The following INTS7 variants were observed in gnomAD, a reference collection of about 807,000 sequenced individuals.
INTS7 encodes the protein chromosome 1 open reading frame 73.
INTS7 carries 46 observed loss-of-function variants against 109.2 expected under a neutral mutation model. That is an observed-to-expected ratio of 0.42 (90% CI 0.33 to 0.54). INTS7 has a LOEUF of 0.54. Among genes scored for constraint, INTS7 ranks in the 20% least tolerant of loss-of-function variants. INTS7 has a pLI of 0.07. For missense variants in INTS7, 929 were observed against 1,132.4 expected (o/e 0.82, Z 2.58); for synonymous variants, 412 against 402.9 (o/e 1.02, Z -0.27).
intron 7 of INTS7, among the ~76,000 whole-genome samples, chr1:211,994,714 T>C (rs1665301292): frequency 6.6e-6 from 1 of 151,006 alleles, no homozygotes; most frequent in Non-Finnish European, 1.5e-5. Context: ...ATTACAGGCA[T>C]GAGCTACTGT....
chr1:212,006,839 A>T (rs1665934544), intron 6 of INTS7, 78 bp from the exon 7 acceptor site: 3 of 1,225,918 alleles, frequency 2.4e-6, no homozygotes, highest in Non-Finnish European at 2.3e-6. Context: ...GTTTAGTGAA[A>T]CTTATAAAGG....
Position 211,946,756 on chromosome 1 carries a change from TCAA to T in INTS7, c.2317-54_2317-52del. 1 of 1,292,456 alleles carries T rather than the reference TCAA, an allele frequency of 7.7e-7. No homozygotes were observed. Among genetic ancestry groups the T allele is most frequent in the Non-Finnish European group, 1.1e-6 (1 of 901,448 alleles). 80.1% of individuals were successfully genotyped at this position (1,292,456 alleles called of 1,614,324 possible). ...AATAAAAATAAATTTTCAAATTTCA[TCAA>T]CAAGTGGTACATTCAGTATAAAACT... On this transcript the variant is annotated intron_variant, in intron 17 of 19. Transcript: ENST00000366994. The surrounding 1 kb of genome is among the most constrained non-coding windows in gnomAD (Gnocchi z 4.3).
At chr1:211,978,621 G>A (rs1314008173) in intron 10 of INTS7, 110 bp from the exon 11 acceptor site, 3 of 1,163,478 alleles carry the variant, frequency 2.6e-6, no homozygotes, top group African/African-American at 1.5e-5. Context: ...GAGGTTTCTT[G>A]TAGGCATAAC....
intron 5 of INTS7, among the ~76,000 whole-genome samples, chr1:212,010,448 T>G (rs570972682): frequency 6.6e-6 from 1 of 152,254 alleles, no homozygotes; most frequent in African/African-American, 2.4e-5. Flanking sequence ...TGATTCTAAA[T>G]GCAACTGGAA....
At chr1:212,013,962 T>C (rs1666282648) in intron 4 of INTS7, among the ~76,000 whole-genome samples, 1 of 152,232 alleles carries the variant, frequency 6.6e-6, no homozygotes, top group Non-Finnish European at 1.5e-5. Flanking sequence ...CTGAAATTTT[T>C]AAAAGTCCTC....
rs1226121881 is a variant in INTS7 at position 211,959,990 on chromosome 1, G to A, written c.2183+6440C>T. Among the ~76,000 whole-genome samples the A allele has an allele frequency of 6.6e-6, 1 of 152,186 alleles. No individual in the cohort carries two copies. The highest frequency in any genetic ancestry group is 1.9e-4 in the East Asian group (1 of 5,190). On this transcript the variant is annotated intron_variant, in intron 16 of 19. Coordinates refer to ENST00000366994, the MANE Select transcript of INTS7 (RefSeq NM_015434.4). The surrounding 1 kb of genome is among the most constrained non-coding windows in gnomAD (Gnocchi z 4.2). ...CGTTATGCTGCTGTTGCTGCTGCTG[G>A]TATGTGCAACTGAGGATGGATCCTG...
chr1:211,951,257 C>T lies in INTS7; in HGVS notation c.2316+1312G>A, dbSNP rs374564966. Among the ~76,000 whole-genome samples, 56 of 152,242 alleles carry T rather than the reference C, an allele frequency of 3.7e-4. 2 individuals carry two copies. The South Asian group carries it at 0.011, about 30-fold the overall frequency. ...GAAGCTGCAACCCCCAAGGTAATGG[C>T]ATTTGGAGGTGGGCCCCCATGATGG... On this transcript the variant is annotated intron_variant, in intron 17 of 19. Coordinates refer to ENST00000366994, the MANE Select transcript of INTS7 (RefSeq NM_015434.4).
chr1:211,958,844 C>A (rs569144358), intron 16 of INTS7, among the ~76,000 whole-genome samples: 1 of 152,228 alleles, frequency 6.6e-6, no homozygotes, highest in African/African-American at 2.4e-5. Context: ...AGATGGCTGA[C>A]TAGACACAGC....
chr1:212,015,185 G>GCCGCCACC (rs1477684978), intron 4 of INTS7, among the ~76,000 whole-genome samples: 1 of 152,172 alleles, frequency 6.6e-6, no homozygotes, highest in Non-Finnish European at 1.5e-5. Flanking sequence ...CCTCTGCCCA[G>GCCGCCACC]CCGCCACCCC....
At chr1:212,027,103 G>A (rs1432916610) in intron 1 of INTS7, among the ~76,000 whole-genome samples, 1 of 152,210 alleles carries the variant, frequency 6.6e-6, no homozygotes, top group Non-Finnish European at 1.5e-5. Flanking sequence ...TGTATTTTCT[G>A]ATGTAAGAGC....
rs550277186 is a variant in INTS7 at position 212,034,279 on chromosome 1, A to G, written c.94+1065T>C. On this transcript the variant is annotated intron_variant, in intron 1 of 19. Coordinates refer to ENST00000366994, the MANE Select transcript of INTS7 (RefSeq NM_015434.4). ...ATTTTTGTGTTTATCAAAATAAGGTAAAAGCTTTTTTAAGAGCCTGAGAAA... is the reference window on the plus strand; with the variant it reads ...ATTTTTGTGTTTATCAAAATAAGGTGAAAGCTTTTTTAAGAGCCTGAGAAA... 3.4e-3 allele frequency among the ~76,000 whole-genome samples: 520 copies of G among 152,268 alleles called. 2 individuals carry two copies. The highest frequency in any genetic ancestry group is 0.012 in the African/African-American group (507 of 41,560).
chr1:212,004,500 A>C (rs1665816732), intron 7 of INTS7, among the ~76,000 whole-genome samples: 1 of 152,226 alleles, frequency 6.6e-6, no homozygotes, highest in African/African-American at 2.4e-5. Flanking sequence ...GACGAAATAG[A>C]CTAGGGCAAG....
intron 7 of INTS7, among the ~76,000 whole-genome samples, chr1:211,990,921 A>G (rs1434017379): frequency 6.6e-6 from 1 of 152,224 alleles, no homozygotes; most frequent in Admixed American, 6.5e-5. Context: ...TAATTCTGGC[A>G]AATGGTAAAC....
chr1:211,963,065 A>C (rs762683130), intron 16 of INTS7, among the ~76,000 whole-genome samples: 3 of 152,206 alleles, frequency 2.0e-5, no homozygotes, highest in Non-Finnish European at 4.4e-5. Flanking sequence ...CAAAAGATCA[A>C]CAAATCCAGG....
chr1:211,980,854 T>C (rs181652618), intron 10 of INTS7, among the ~76,000 whole-genome samples: 44 of 152,324 alleles, frequency 2.9e-4, no homozygotes, highest in African/African-American at 8.2e-4. Context: ...CTTATACCAC[T>C]GGGAAATTAA....
At chr1:212,013,279 C>A (rs974691788) in intron 4 of INTS7, among the ~76,000 whole-genome samples, 1 of 152,070 alleles carries the variant, frequency 6.6e-6, no homozygotes, top group Non-Finnish European at 1.5e-5. Flanking sequence ...CCTCAGCCTC[C>A]CAAATAGCTG....
Position 211,942,186 on chromosome 1 carries a change from C to G in INTS7, c.2602-75G>C. On this transcript the variant is annotated intron_variant, in intron 19 of 19. Transcript: ENST00000366994. This position sits in a 1 kb window ranked among gnomAD's most constrained non-coding sequence, Gnocchi z 4.2. ...TGCTTACTATGAGTTAGGCCCTGTT[C>G]TAAGAGCTTATTTAGACCATGCAGA... is the stretch of plus-strand genomic sequence containing the variant. 6.7e-7 allele frequency: 1 copy of G among 1,483,634 alleles called. No individual in the cohort carries two copies. The highest frequency in any genetic ancestry group is 9.2e-7 in the Non-Finnish European group (1 of 1,084,880). The allele number at this position is 1,483,634 out of a possible 1,614,324, so 91.9% of individuals were successfully genotyped here. A position where few individuals can be genotyped will look rare whatever the true frequency, so the allele number is the denominator to read the frequency against.
intron 5 of INTS7, 56 bp downstream of exon 5, chr1:212,011,319 G>A: frequency 4.5e-6 from 4 of 893,706 alleles, no homozygotes; most frequent in Non-Finnish European, 5.3e-6. Flanking sequence ...ATTAGTGTTA[G>A]CAACTATTAT....
chr1:211,975,120 C>T (rs773750255), intron 13 of INTS7, 46 bp downstream of exon 13: 2 of 1,340,132 alleles, frequency 1.5e-6, no homozygotes, highest in East Asian at 2.3e-5. Context: ...AGGGAGAGAA[C>T]TCTCACATAA....
Sources: allele counts gnomAD v4.1 joint callset (sites outside exome capture counted in the v4.1 genomes callset), GRCh38; gene constraint gnomAD v4.1.1; non-coding constraint Gnocchi (gnomAD v3.1); transcripts MANE v1.5; gene names NCBI Gene and HGNC (gene_info 2026-07-23, HGNC 2026-07-21).